DSCAM: variants seen among roughly 807,000 people sequenced by gnomAD.
DSCAM encodes the protein DS cell adhesion molecule.
DSCAM carries 47 observed loss-of-function variants against 217.7 expected under a neutral mutation model. That is an observed-to-expected ratio of 0.22 (90% CI 0.17 to 0.28). The LOEUF is 0.28. Among genes scored for constraint, DSCAM ranks in the 10% least tolerant of loss-of-function variants. The probability of loss-of-function intolerance (pLI) is 1.00; values close to 1 mark genes in which losing one functional copy is unlikely to be tolerated. For synonymous variants in DSCAM, 1,056 were observed against 1,015.3 expected (o/e 1.04, Z -0.76); for missense variants, 2,080 against 2,618.3 (o/e 0.79, Z 4.49).
chr21:40,806,238 G>A (rs2091786044), intron 1 of DSCAM, among the ~76,000 whole-genome samples: 1 of 152,134 alleles, frequency 6.6e-6, no homozygotes, highest in East Asian at 1.9e-4. Context: ...ATTCTACTTT[G>A]CTGTTGATAT....
intron 2 of DSCAM, 89 bp from the exon 3 acceptor site, chr21:40,693,045 A>G: frequency 7.2e-7 from 1 of 1,391,660 alleles, no homozygotes; most frequent in Non-Finnish European, 9.7e-7. Flanking sequence ...ACTGCAGCAC[A>G]CACACATCAA....
At chr21:40,594,430 A>T (rs2077006346) in intron 3 of DSCAM, among the ~76,000 whole-genome samples, 1 of 152,180 alleles carries the variant, frequency 6.6e-6, no homozygotes, top group Non-Finnish European at 1.5e-5. Flanking sequence ...TTTCAGGAAT[A>T]TGACCTTGGG....
chr21:40,539,701 CTTAT>C (rs2076528709), intron 3 of DSCAM, among the ~76,000 whole-genome samples: 1 of 151,900 alleles, frequency 6.6e-6, no homozygotes, highest in South Asian at 2.1e-4. Flanking sequence ...ATCTCTGTTT[CTTAT>C]AAGATGAGAA....
intron 27 of DSCAM, among the ~76,000 whole-genome samples, chr21:40,066,576 A>G (rs2089210417): frequency 6.6e-6 from 1 of 152,240 alleles, no homozygotes; most frequent in African/African-American, 2.4e-5. Context: ...GGAGAGCACA[A>G]TGCTCATTAT....
chr21:40,557,691 T>A (rs1218573712), intron 3 of DSCAM, among the ~76,000 whole-genome samples: 1 of 152,182 alleles, frequency 6.6e-6, no homozygotes, highest in East Asian at 1.9e-4. Context: ...TTCTGCTTTT[T>A]GTCATGAGTG....
At chr21:40,247,838 C>T (rs1285796544) in intron 11 of DSCAM, among the ~76,000 whole-genome samples, 2 of 152,218 alleles carry the variant, frequency 1.3e-5, no homozygotes, top group Non-Finnish European at 2.9e-5. Context: ...TTGACACTGC[C>T]CTAGCAGAGA....
At chr21:40,200,845 G>GGCCCCACA (rs1020406331) in intron 11 of DSCAM, among the ~76,000 whole-genome samples, 81 of 152,282 alleles carry the variant, frequency 5.3e-4, no homozygotes, top group African/African-American at 1.9e-3. Flanking sequence ...TTGGAAGAAT[G>GGCCCCACA]GCCCCACAGA....
intron 3 of DSCAM, 90 bp from the exon 4 acceptor site, chr21:40,369,335 C>A: frequency 7.4e-7 from 1 of 1,352,372 alleles, no homozygotes; most frequent in Admixed American, 2.5e-5. Context: ...TTTTTTTTCC[C>A]CCACCTGAAG....
In DSCAM at chr21:40,637,570, TATATATAAATATATAC is replaced by T. The variant is rs2089812189; in HGVS notation, c.508+55224_508+55239del. 5.1e-5 allele frequency among the ~76,000 whole-genome samples: 2 copies of T among 39,078 alleles called. 1 individual carries two copies. Among genetic ancestry groups the T allele is most frequent in the African/African-American group, 1.6e-4 (2 of 12,492 alleles). The allele number at this position is 39,078 out of a possible 152,430, so 25.6% of individuals were successfully genotyped here. On this transcript the variant is annotated intron_variant, in intron 3 of 32. Transcript: ENST00000400454. The stretch of plus-strand genomic sequence containing the variant: ...ATATATAAATATATACATATATAAA[TATATATAAATATATAC>T]ATATATAAATATATATATAAATATA...
intron 3 of DSCAM, among the ~76,000 whole-genome samples, chr21:40,595,418 A>G (rs969871): frequency 0.045 from 6,776 of 152,116 alleles, 198 homozygotes; most frequent in Middle Eastern, 0.13. Context: ...GAAGGAAAAG[A>G]GAAGGGAAGG....
chr21:40,619,650 C>A (rs575468929), intron 3 of DSCAM, among the ~76,000 whole-genome samples: 290 of 152,208 alleles, frequency 1.9e-3, no homozygotes, highest in African/African-American at 6.4e-3. Context: ...TAAGGTACTA[C>A]AAAATAATCT....
intron 3 of DSCAM, among the ~76,000 whole-genome samples, chr21:40,492,629 A>G (rs767898729): frequency 3.9e-5 from 6 of 152,230 alleles, no homozygotes; most frequent in South Asian, 2.1e-4. Flanking sequence ...AGTAGACCTG[A>G]TAAGGCAGAA....
At chr21:40,774,059 A>C (rs1489715996) in intron 1 of DSCAM, among the ~76,000 whole-genome samples, 2 of 152,198 alleles carry the variant, frequency 1.3e-5, no homozygotes, top group Non-Finnish European at 2.9e-5. Context: ...GTGCTAGCTG[A>C]GATGCTGTCC....
chr21:40,748,079 G>T (rs1413322289), intron 1 of DSCAM, among the ~76,000 whole-genome samples: 1 of 151,666 alleles, frequency 6.6e-6, no homozygotes, highest in Admixed American at 6.6e-5. Context: ...TTTAATAAAG[G>T]CCATATATGA....
chr21:40,497,633 A>T (rs1397209727), intron 3 of DSCAM, among the ~76,000 whole-genome samples: 2 of 152,240 alleles, frequency 1.3e-5, no homozygotes, highest in African/African-American at 4.8e-5. Context: ...TCTGAGCATA[A>T]AAATAAGTAT....
intron 16 of DSCAM, among the ~76,000 whole-genome samples, chr21:40,163,289 A>G (rs560311126): frequency 2.6e-5 from 4 of 152,234 alleles, no homozygotes; most frequent in African/African-American, 9.6e-5. Context: ...TACAATGTTC[A>G]GGTACTTCAT....
chr21:40,438,377 G>A (rs1204118370), intron 3 of DSCAM, among the ~76,000 whole-genome samples: 3 of 152,186 alleles, frequency 2.0e-5, no homozygotes. Context: ...CTGATATACA[G>A]TAGGCTTTCA....
chr21:40,261,575 T>C (rs192821598), intron 11 of DSCAM, among the ~76,000 whole-genome samples: 460 of 151,996 alleles, frequency 3.0e-3, no homozygotes, highest in Non-Finnish European at 4.8e-3. Flanking sequence ...AATTACACAT[T>C]GGCTTTCCTG....
chr21:40,239,271 T>C (rs922564637), intron 11 of DSCAM, among the ~76,000 whole-genome samples: 4 of 151,946 alleles, frequency 2.6e-5, no homozygotes, highest in Non-Finnish European at 5.9e-5. Context: ...GAAGAAATAA[T>C]GATAGTACAT....
Sources: allele counts gnomAD v4.1 joint callset (sites outside exome capture counted in the v4.1 genomes callset), GRCh38; gene constraint gnomAD v4.1.1; transcripts MANE v1.5; gene names NCBI Gene and HGNC (gene_info 2026-07-23, HGNC 2026-07-21).